TTC12: variants seen among roughly 807,000 people sequenced by gnomAD.
The protein encoded by TTC12 is tetratricopeptide repeat domain 12.
A neutral mutation model predicts 90.1 loss-of-function variants in TTC12; 70 were observed. The observed-to-expected ratio is 0.78, with a 90% confidence interval of 0.64 to 0.95. TTC12 has a LOEUF of 0.95. TTC12 is among the 40% of genes least tolerant of loss of function. The pLI is 0.00. For missense variants in TTC12, 819 were observed against 846.1 expected (o/e 0.97, Z 0.40); for synonymous variants, 296 against 311.5 (o/e 0.95, Z 0.53).
chr11:113,352,002 C>T, intron 15 of TTC12, 68 bp from the exon 16 acceptor site: 1 of 1,555,208 alleles, frequency 6.4e-7, no homozygotes, highest in Non-Finnish European at 8.7e-7. Context: ...GTGAGGGATG[C>T]ACCTAGAGAT....
Position 113,364,901 on chromosome 11 carries a change from G to T in TTC12, c.1883G>T (p.Cys628Phe). 6.2e-7 allele frequency: 1 copy of T among 1,614,196 alleles called. No homozygotes were observed. The highest frequency in any genetic ancestry group is 8.5e-7 in the Non-Finnish European group (1 of 1,180,036). Residue 628 changes from cysteine (C) to phenylalanine (F), a missense_variant, in exon 21 of 22, where the codon TGC (cysteine) becomes TTC (phenylalanine). Cys to Phe is a radical substitution (Grantham distance 205, BLOSUM62 -2). Transcript: ENST00000529221. The stretch of plus-strand genomic sequence containing the variant: ...GTTCTGGTGGGCAACGCTGCCCTCT[G>T]CCTTGGTAACTGCATGGAGGTGCCC... ...DEVLVGNAAL[C>F]LGNCMEVPNV...
intron 7 of TTC12, among the ~76,000 whole-genome samples, chr11:113,333,030 G>T (rs1555142977): frequency 6.6e-6 from 1 of 152,028 alleles, no homozygotes; most frequent in Non-Finnish European, 1.5e-5. Context: ...TGATTGTTCT[G>T]GTCTCCTTAC....
At chr11:113,336,250 G>A (rs782428989) in intron 8 of TTC12, among the ~76,000 whole-genome samples, 29 of 152,006 alleles carry the variant, frequency 1.9e-4, no homozygotes, top group Non-Finnish European at 3.8e-4. Flanking sequence ...ATAATGAGGT[G>A]TAAATGTTAT....
chr11:113,337,255 C>T (rs1948424828), intron 8 of TTC12, among the ~76,000 whole-genome samples: 1 of 152,156 alleles, frequency 6.6e-6, no homozygotes, highest in Non-Finnish European at 1.5e-5. Flanking sequence ...ATCAGTGAAA[C>T]TAGACAAAGT....
At chr11:113,372,590 TC>T (rs1382274166) in intron 21 of TTC12, among the ~76,000 whole-genome samples, 1 of 152,220 alleles carries the variant, frequency 6.6e-6, no homozygotes, top group Non-Finnish European at 1.5e-5. Flanking sequence ...ATAGATGCAT[TC>T]CGTATACTGC....
intron 2 of TTC12, among the ~76,000 whole-genome samples, chr11:113,321,657 T>G (rs139406567): frequency 8.1e-4 from 123 of 152,362 alleles, no homozygotes; most frequent in African/African-American, 2.8e-3. Flanking sequence ...AGCCTATTTC[T>G]CTGCCACTTG....
intron 13 of TTC12, 151 bp downstream of exon 13, chr11:113,344,591 C>T: frequency 2.5e-6 from 2 of 804,214 alleles, no homozygotes; most frequent in Non-Finnish European, 3.8e-6. Flanking sequence ...TCATGAGGAC[C>T]TCTGGGACAG....
At chr11:113,358,909 T>C (rs1412045383) in intron 16 of TTC12, among the ~76,000 whole-genome samples, 1 of 152,080 alleles carries the variant, frequency 6.6e-6, no homozygotes, top group African/African-American at 2.4e-5. Context: ...GCATTCCCAG[T>C]TACTCCCTTT....
Position 113,329,904 on chromosome 11 carries a change from G to A in TTC12, c.445-16G>A. 6.2e-6 allele frequency: 10 copies of A among 1,610,158 alleles called. No individual in the cohort carries two copies. The highest frequency in any genetic ancestry group is 8.5e-6 in the Non-Finnish European group (10 of 1,176,400). ...GCAGAATTGTGTGTGAATATCAGCT[G>A]TTGGTTTCATTACAGGCTTATATGA... On this transcript the variant is annotated splice_polypyrimidine_tract_variant and intron_variant, in intron 6 of 21. Transcript: ENST00000529221.
At chr11:113,340,047 C>T (rs1948596546) in intron 10 of TTC12, among the ~76,000 whole-genome samples, 3 of 152,292 alleles carry the variant, frequency 2.0e-5, no homozygotes, top group African/African-American at 4.8e-5. Context: ...CAGTTAATGG[C>T]TGCATAGGAT....
intron 2 of TTC12, among the ~76,000 whole-genome samples, chr11:113,317,268 A>G (rs782300358): frequency 6.6e-6 from 1 of 151,850 alleles, no homozygotes; most frequent in Non-Finnish European, 1.5e-5. Context: ...ATAAACTTAA[A>G]TGTGTCCAAA....
At position 113,344,313 on chromosome 11, in the gene TTC12, A is replaced by C. The variant is rs1948831780; in HGVS notation, c.1027A>C (p.Arg343=). The change falls in exon 13 of 22, where the codon AGG becomes CGG. Residue 343 remains arginine (R), a synonymous_variant. Transcript: ENST00000529221. Reference sequence around the variant, plus strand: ...GCTAGTGATACACCATGACAGGGCCAGGCTGTTGGCCGCCCTCTTGTCCTC... The same window carrying C: ...GCTAGTGATACACCATGACAGGGCCCGGCTGTTGGCCGCCCTCTTGTCCTC... The part of the protein sequence containing the change: ...RVLVIHHDRA[R]LLAALLSSKV... The C allele has an allele frequency of 6.2e-7, 1 of 1,614,196 alleles. No individual in the cohort carries two copies.
At chr11:113,359,907 A>C in intron 17 of TTC12, 33 bp from the exon 18 acceptor site, 1 of 1,543,238 alleles carries the variant, frequency 6.5e-7, no homozygotes, top group Non-Finnish European at 8.8e-7. Flanking sequence ...CAGAAAATTA[A>C]AATCTCCTGC....
At chr11:113,319,503 G>A (rs11214572) in intron 2 of TTC12, among the ~76,000 whole-genome samples, 10 of 151,992 alleles carry the variant, frequency 6.6e-5, no homozygotes, top group African/African-American at 2.2e-4. Flanking sequence ...AAATGGAGAC[G>A]TATTTAATCC....
At chr11:113,370,713 C>T (rs190579078), downstream of TTC12, among the ~76,000 whole-genome samples, 41 of 152,292 alleles carry the variant, frequency 2.7e-4, no homozygotes, top group Middle Eastern at 3.4e-3. Context: ...AGTGGGCTGC[C>T]GATTACCTCT....
chr11:113,368,537 G>C, downstream of TTC12: 1 of 1,527,010 alleles, frequency 6.5e-7, no homozygotes, highest in Non-Finnish European at 8.9e-7. Flanking sequence ...GGCCGGGATG[G>C]AACTCCATCA....
chr11:113,323,272 C>A lies in TTC12; in HGVS notation c.59-16C>A. The A allele has an allele frequency of 6.3e-7, 1 of 1,576,140 alleles. No individual in the cohort carries two copies. The highest frequency in any genetic ancestry group is 1.2e-5 in the South Asian group (1 of 83,756). ...AATATCTTGTTTGATTAAGTCACAC[C>A]TGATTTCTTCTCTAGCCAATTTAAT... On this transcript the variant is annotated splice_polypyrimidine_tract_variant and intron_variant, in intron 2 of 21. Transcript: ENST00000529221.
chr11:113,337,813 G>T (rs527579587), intron 8 of TTC12, among the ~76,000 whole-genome samples: 2 of 152,076 alleles, frequency 1.3e-5, no homozygotes, highest in East Asian at 3.9e-4. Flanking sequence ...GTGGTGATGG[G>T]GACCAGGTTG....
chr11:113,314,789 C>T (rs1346361484), intron 1 of TTC12, 171 bp downstream of exon 1: 3 of 151,970 alleles, frequency 2.0e-5, no homozygotes, highest in African/African-American at 7.3e-5. Context: ...TTGCGGACGC[C>T]TGGGAGCGGT....
Sources: allele counts gnomAD v4.1 joint callset (sites outside exome capture counted in the v4.1 genomes callset), GRCh38; gene constraint gnomAD v4.1.1; transcripts MANE v1.5; gene names NCBI Gene and HGNC (gene_info 2026-07-23, HGNC 2026-07-21).